The following MATN4 variants were observed in gnomAD, a reference collection of about 807,000 sequenced individuals.
MATN4 encodes matrilin 4.
MATN4 carries 40 observed loss-of-function variants against 54.6 expected under a neutral mutation model. The observed-to-expected ratio is 0.73, with a 90% confidence interval of 0.57 to 0.95. The LOEUF (loss-of-function observed/expected upper bound fraction) is 0.95. Among genes scored for constraint, MATN4 ranks in the 40% least tolerant of loss-of-function variants. The pLI is 0.00. For missense variants in MATN4, 810 were observed against 819.1 expected (o/e 0.99, Z 0.13); for synonymous variants, 351 against 345.3 (o/e 1.02, Z -0.18).
chr20:45,303,717 G>T (rs1012410166), intron 3 of MATN4, among the ~76,000 whole-genome samples: 7 of 152,220 alleles, frequency 4.6e-5, no homozygotes, highest in African/African-American at 1.7e-4. Context: ...AGGCTCAGAA[G>T]AGGAGACACT....
At chr20:45,299,964 G>T (rs78618990) in intron 6 of MATN4, among the ~76,000 whole-genome samples, 6 of 78,070 alleles carry the variant, frequency 7.7e-5, no homozygotes, top group African/African-American at 1.6e-4. Flanking sequence ...GGTGTGTGTG[G>T]GTGTGTGTGT....
At chr20:45,308,089 C>T (rs1986892353) in intron 1 of MATN4, 86 bp downstream of exon 1, 6 of 1,278,120 alleles carry the variant, frequency 4.7e-6, no homozygotes, top group African/African-American at 1.5e-5. Context: ...CCCTAGGCAG[C>T]GTCTCTGCTA....
rs1391220113 is a variant in MATN4 at position 45,298,275 on chromosome 20, C to A, written c.1321G>T (p.Gly441Cys). 2 of 1,613,440 alleles carry A rather than the reference C, an allele frequency of 1.2e-6. No homozygotes were observed. Among genetic ancestry groups the A allele is most frequent in the Middle Eastern group, 1.6e-4 (1 of 6,062 alleles). ...MVEHSFSEAQ[G>C]ARPRALNVPR... ...ACGTTAAGGGCACGGGGCCGTGCACCCTGCGCCTCGGAGAAGCTGTGCTCC... is the reference window on the plus strand; with the variant it reads ...ACGTTAAGGGCACGGGGCCGTGCACACTGCGCCTCGGAGAAGCTGTGCTCC... The change falls in exon 7 of 10, where the codon GGT becomes TGT. Residue 441 changes from glycine (G) to cysteine (C), a missense_variant. Coordinates refer to ENST00000372756, the MANE Select transcript of MATN4 (RefSeq NM_001393530.1). This position sits in a 1 kb window ranked among gnomAD's most constrained non-coding sequence, Gnocchi z 4.6.
rs780503822 is a variant in MATN4, at chr20:45,304,619, G to A, written c.252C>T (p.Ser84=). The A allele has an allele frequency of 2.5e-6, 4 of 1,605,894 alleles. No individual in the cohort carries two copies. The South Asian group carries it at 4.4e-5, about 18-fold the overall frequency. The change falls in exon 3 of 10, where the codon AGC becomes AGT. Residue 84 remains serine (S), a synonymous_variant. Transcript: ENST00000372756. ...GVIQYSSQVQ[S]VFPLRAFSRR... ...GAGAGAACGCGCGGAGAGGGAAGAC[G>A]CTCTGCACTTGACTCGAATACTGGA...
Position 45,298,003 on chromosome 20 carries a change from C to T in MATN4, c.1494G>A (p.Glu498=), listed in dbSNP as rs1340043540. Residue 498 remains glutamate, a synonymous_variant, in exon 8 of 10, where the codon GAG becomes GAA. Coordinates refer to ENST00000372756, the MANE Select transcript of MATN4 (RefSeq NM_001393530.1). This position sits in a 1 kb window ranked among gnomAD's most constrained non-coding sequence, Gnocchi z 4.6. ...CATAGGACACGTGCAGTTCCGCTGG[C>T]TCCGAGGCGATCTCGCGCAGCTCCG... is the stretch of plus-strand genomic sequence containing the variant. The part of the protein sequence containing the change: ...VEAELREIAS[E]PAELHVSYAP... 6.2e-7 allele frequency: 1 copy of T among 1,614,026 alleles called. No homozygotes were observed. Among genetic ancestry groups the T allele is most frequent in the Non-Finnish European group, 8.5e-7 (1 of 1,180,032 alleles).
In MATN4 at chr20:45,298,583, C is replaced by G. The variant is rs763614605; in HGVS notation, c.1013G>C (p.Arg338Pro). Residue 338 changes from arginine (R) to proline (P), a missense_variant and splice_region_variant, in exon 7 of 10, where the codon CGG (arginine) becomes CCG (proline). Physicochemically the swap from Arg to Pro is moderately radical, Grantham distance 103. Transcript: ENST00000372756. The surrounding 1 kb of genome is among the most constrained non-coding windows in gnomAD (Gnocchi z 4.6). ...QLQADGKSCNRCREGHVDLVL... is the reference protein window; with the variant it reads ...QLQADGKSCNPCREGHVDLVL... ...AAGGTCCACGTGGCCTTCCCGGCAC[C>G]CTGCACAGCCAGAAAAGCTTGAATT... is the stretch of plus-strand genomic sequence containing the variant. The G allele has an allele frequency of 6.5e-7, 1 of 1,532,154 alleles. No individual in the cohort carries two copies. The highest frequency in any genetic ancestry group is 2.0e-5 in the Admixed American group (1 of 48,962). 94.9% of individuals were successfully genotyped at this position (1,532,154 alleles called of 1,614,324 possible). A position where few individuals can be genotyped will look rare whatever the true frequency, so the allele number is the denominator to read the frequency against.
chr20:45,302,552 C>G (rs1371980227), intron 3 of MATN4, among the ~76,000 whole-genome samples: 1 of 152,136 alleles, frequency 6.6e-6, no homozygotes, highest in African/African-American at 2.4e-5. Flanking sequence ...GGGAGGATCT[C>G]TTGAGCCCAG....
intron 8 of MATN4, among the ~76,000 whole-genome samples, chr20:45,294,925 A>ATCTAGGTTGTG (rs1300932275): frequency 1.3e-5 from 2 of 152,092 alleles, no homozygotes; most frequent in East Asian, 3.9e-4. Context: ...CCTATTGTAA[A>ATCTAGGTTGTG]CTGTGCATGT....
upstream of MATN4, chr20:45,308,392 A>G (rs2145683560): frequency 1.6e-6 from 1 of 617,198 alleles, no homozygotes; most frequent in Non-Finnish European, 2.9e-6. Context: ...GCAGGGAGGG[A>G]TCCCCCCTTC....
At chr20:45,303,098 AAAAAAAG>A (rs1375818589) in intron 3 of MATN4, among the ~76,000 whole-genome samples, 33 of 143,224 alleles carry the variant, frequency 2.3e-4, no homozygotes, top group Admixed American at 7.7e-4. Flanking sequence ...AAAAAAAAAA[AAAAAAAG>A]AGAGAGAGAA....
At position 45,301,360 on chromosome 20, in the gene MATN4, C is replaced by T. The variant is rs756561445; in HGVS notation, c.727G>A (p.Val243Ile). ...SPGSYFCHCQ[V>I]GFVLQQDQRS... ...TGGTCCTGCTGGAGTACAAAGCCAA[C>T]TTGGCAGTGACAGAAATAGGAGCCT... The change falls in exon 4 of 10, where the codon GTT becomes ATT. Residue 243 changes from valine to isoleucine, a missense_variant. Coordinates refer to ENST00000372756, the MANE Select transcript of MATN4 (RefSeq NM_001393530.1). 1.2e-6 allele frequency: 2 copies of T among 1,614,220 alleles called. No homozygotes were observed. Among genetic ancestry groups the T allele is most frequent in the South Asian group, 2.2e-5 (2 of 91,088 alleles).
Position 45,296,170 on chromosome 20 carries a change from G to A in MATN4, c.1579+1748C>T, listed in dbSNP as rs901129783. Among the ~76,000 whole-genome samples the A allele has an allele frequency of 2.3e-4, 29 of 126,368 alleles. 1 individual carries two copies. In the Admixed American group the frequency reaches 2.5e-3, roughly 11 times the overall value. 82.9% of individuals were successfully genotyped at this position (126,368 alleles called of 152,430 possible). A position where few individuals can be genotyped will look rare whatever the true frequency, so the allele number is the denominator to read the frequency against. ...GCAGAGGTTGCAGTAAGCCGAGATC[G>A]CACCACTGCACTCCAGCCTGGATGA... is the stretch of plus-strand genomic sequence containing the variant. On this transcript the variant is annotated intron_variant, in intron 8 of 9. Coordinates refer to ENST00000372756, the MANE Select transcript of MATN4 (RefSeq NM_001393530.1).
intron 5 of MATN4, 33 bp downstream of exon 5, chr20:45,301,069 C>T: frequency 6.2e-7 from 1 of 1,614,002 alleles, no homozygotes; most frequent in Non-Finnish European, 8.5e-7. Flanking sequence ...AGATCTCTTA[C>T]CCCTCCCACA....
intron 1 of MATN4, among the ~76,000 whole-genome samples, chr20:45,307,200 T>C (rs1333558475): frequency 6.6e-6 from 1 of 152,082 alleles, no homozygotes; most frequent in East Asian, 1.9e-4. Context: ...TGAAGCTGTG[T>C]TAGCCATTTT....
intron 8 of MATN4, among the ~76,000 whole-genome samples, chr20:45,297,232 G>T (rs1985896803): frequency 6.6e-6 from 1 of 151,896 alleles, no homozygotes; most frequent in African/African-American, 2.4e-5. Context: ...ATGGGAAGAA[G>T]AGTCACATCT....
intron 3 of MATN4, among the ~76,000 whole-genome samples, chr20:45,301,808 T>C (rs922961210): frequency 6.8e-6 from 1 of 146,112 alleles, no homozygotes; most frequent in Non-Finnish European, 1.5e-5. Context: ...TTACCCTGTA[T>C]AAAAAAGTGA....
rs1227363561 is a variant in MATN4 at position 45,293,943 on chromosome 20, C to T, written c.1652G>A (p.Arg551His). 1 of 1,601,528 alleles carries T rather than the reference C, an allele frequency of 6.2e-7. No individual in the cohort carries two copies. The highest frequency in any genetic ancestry group is 8.5e-7 in the Non-Finnish European group (1 of 1,178,542). ...ECESLVEFQG[R>H]TLGALESLTL... ...CAGGCTCTCGAGCGCCCCCAGCGTGCGGCCCTGGAACTCCACGAGGCTTTC... is the reference window on the plus strand; with the variant it reads ...CAGGCTCTCGAGCGCCCCCAGCGTGTGGCCCTGGAACTCCACGAGGCTTTC... The change falls in exon 9 of 10, where the codon CGC becomes CAC. Residue 551 changes from arginine (R) to histidine (H), a missense_variant. Coordinates refer to ENST00000372756, the MANE Select transcript of MATN4 (RefSeq NM_001393530.1).
chr20:45,303,702 T>C (rs1986387030), intron 3 of MATN4, among the ~76,000 whole-genome samples: 1 of 152,098 alleles, frequency 6.6e-6, no homozygotes, highest in African/African-American at 2.4e-5. Flanking sequence ...GGAGCCCCTG[T>C]GAGTAGGCTC....
Position 45,293,720 on chromosome 20 carries a change from C to T in MATN4, c.*47G>A, listed in dbSNP as rs1441667103. 2.6e-6 allele frequency: 4 copies of T among 1,535,714 alleles called. No homozygotes were observed. Among genetic ancestry groups the T allele is most frequent in the South Asian group, 1.2e-5 (1 of 85,642 alleles). On this transcript the variant is annotated 3_prime_UTR_variant, in exon 10 of 10. Coordinates refer to ENST00000372756, the MANE Select transcript of MATN4 (RefSeq NM_001393530.1). ...CGCACCGATGGCGCGCAAGGGGCAC[C>T]GTCCGTGGTGCCGCGCCCCAGCCCG... is the stretch of plus-strand genomic sequence containing the variant.
Sources: allele counts gnomAD v4.1 joint callset (sites outside exome capture counted in the v4.1 genomes callset), GRCh38; gene constraint gnomAD v4.1.1; non-coding constraint Gnocchi (gnomAD v3.1); transcripts MANE v1.5; gene names NCBI Gene and HGNC (gene_info 2026-07-23, HGNC 2026-07-21).